NTM: variants seen among roughly 807,000 people sequenced by gnomAD.
NTM encodes the protein neurotrimin.
In NTM, 13 loss-of-function variants were observed where a neutral mutation model predicts 42.1. The ratio of observed to expected loss-of-function variants is 0.31; its 90% CI spans 0.20 to 0.49. NTM has a LOEUF of 0.49. Ranked by LOEUF, NTM falls within the 20% of genes least tolerant of loss-of-function variation. The pLI, the probability that NTM is intolerant of heterozygous loss-of-function variation, is 0.99. For synonymous variants in NTM, 187 were observed against 179.2 expected (o/e 1.04, Z -0.35); for missense variants, 373 against 452.8 (o/e 0.82, Z 1.60).
At chr11:131,722,911 G>T (rs1282471240) in intron 1 of NTM, among the ~76,000 whole-genome samples, 1 of 152,194 alleles carries the variant, frequency 6.6e-6, no homozygotes. Context: ...GGAGAGGAGG[G>T]ACCAGATTCC....
chr11:131,731,567 G>C (rs564538325), intron 1 of NTM, among the ~76,000 whole-genome samples: 1 of 152,292 alleles, frequency 6.6e-6, no homozygotes, highest in Non-Finnish European at 1.5e-5. Flanking sequence ...TAAAGGTCAT[G>C]GCCGGGGCAC....
intron 2 of NTM, among the ~76,000 whole-genome samples, chr11:132,056,932 AGACAG>A (rs2079772584): frequency 6.6e-6 from 1 of 152,162 alleles, no homozygotes; most frequent in African/African-American, 2.4e-5. Flanking sequence ...GCTGCCCACC[AGACAG>A]CTTCTTGGTT....
chr11:132,074,696 A>G lies in NTM; in HGVS notation c.168-71586A>G, dbSNP rs554805912. 6.4e-4 allele frequency among the ~76,000 whole-genome samples: 98 copies of G among 152,334 alleles called. 1 individual carries two copies. In the Middle Eastern group the frequency reaches 0.01, roughly 16 times the overall value. ...AATGTCCACTGCTGGATAAATGGAT[A>G]AAGAAAATGTGGAATTTACATACAG... On this transcript the variant is annotated intron_variant, in intron 2 of 8. Transcript: ENST00000683400.
intron 1 of NTM, among the ~76,000 whole-genome samples, chr11:131,413,129 G>A (rs1355322457): frequency 4.6e-5 from 7 of 152,128 alleles, no homozygotes; most frequent in Non-Finnish European, 8.8e-5. Flanking sequence ...ATAGATAACG[G>A]CTGTTCTTTC....
At chr11:131,753,073 G>A (rs1288707911) in intron 1 of NTM, among the ~76,000 whole-genome samples, 2 of 151,866 alleles carry the variant, frequency 1.3e-5, no homozygotes, top group Non-Finnish European at 2.9e-5. Context: ...ATCAAAAAGT[G>A]GGCAAAGGAC....
chr11:131,937,519 G>A (rs2059355296), intron 2 of NTM, among the ~76,000 whole-genome samples: 1 of 152,146 alleles, frequency 6.6e-6, no homozygotes, highest in Non-Finnish European at 1.5e-5. Flanking sequence ...AAAAGTGACT[G>A]AAGTCGTATG....
At chr11:131,391,037 C>T (rs1943929379) in intron 1 of NTM, among the ~76,000 whole-genome samples, 1 of 152,156 alleles carries the variant, frequency 6.6e-6, no homozygotes, top group Admixed American at 6.5e-5. Context: ...ATCTTCCTAA[C>T]CACACGGGGC....
chr11:131,463,528 T>A (rs1021554732), intron 1 of NTM, among the ~76,000 whole-genome samples: 5 of 152,216 alleles, frequency 3.3e-5, no homozygotes, highest in Non-Finnish European at 7.3e-5. Context: ...ATGGTGAATA[T>A]TTAGTCAATG....
chr11:132,073,956 A>C (rs981596982), intron 2 of NTM, among the ~76,000 whole-genome samples: 4 of 152,200 alleles, frequency 2.6e-5, no homozygotes, highest in African/African-American at 4.8e-5. Context: ...GGCTTCTTTC[A>C]GAACTTCTGG....
At chr11:132,114,785 G>T (rs530329031) in intron 2 of NTM, among the ~76,000 whole-genome samples, 4 of 152,130 alleles carry the variant, frequency 2.6e-5, no homozygotes, top group African/African-American at 9.7e-5. Flanking sequence ...ACAGTATCAC[G>T]GGTAGGCTCC....
At chr11:132,065,552 G>A (rs929871668) in intron 2 of NTM, among the ~76,000 whole-genome samples, 3 of 151,946 alleles carry the variant, frequency 2.0e-5, no homozygotes, top group Non-Finnish European at 4.4e-5. Context: ...CTAGGTTACA[G>A]TATCTCGTAT....
At chr11:132,319,397 G>C (rs2095508264) in intron 7 of NTM, among the ~76,000 whole-genome samples, 1 of 152,174 alleles carries the variant, frequency 6.6e-6, no homozygotes, top group South Asian at 2.1e-4. Flanking sequence ...GTCGGCACCT[G>C]GAAAATCGAG....
At position 131,745,262 on chromosome 11, in the gene NTM, C is replaced by A. The variant is rs182773939; in HGVS notation, c.83-166302C>A. ...TCCTAAAGAGAACAGAATGCCTGTC[C>A]CCTACACAGGGAATGAGGAGGTGCC... On this transcript the variant is annotated intron_variant, in intron 1 of 8. Transcript: ENST00000683400. Among the ~76,000 whole-genome samples the A allele has an allele frequency of 2.6e-3, 399 of 152,240 alleles. 3 individuals are homozygous for A. The highest frequency in any genetic ancestry group is 9.0e-3 in the African/African-American group (374 of 41,542).
At chr11:132,275,744 A>G (rs1160206078) in intron 4 of NTM, among the ~76,000 whole-genome samples, 3 of 28,492 alleles carry the variant, frequency 1.1e-4, no homozygotes, top group Non-Finnish European at 1.8e-4. Context: ...ACGTATATAT[A>G]TATGTGTATA....
chr11:131,879,469 A>G (rs1459056536), intron 1 of NTM, among the ~76,000 whole-genome samples: 1 of 152,126 alleles, frequency 6.6e-6, no homozygotes, highest in African/African-American at 2.4e-5. Context: ...CCCAACCACC[A>G]ATCTTCAACA....
At chr11:132,097,532 A>G (rs1237363015) in intron 2 of NTM, among the ~76,000 whole-genome samples, 1 of 152,238 alleles carries the variant, frequency 6.6e-6, no homozygotes, top group Non-Finnish European at 1.5e-5. Flanking sequence ...TATTTCAAGT[A>G]AAACAAAGTC....
intron 1 of NTM, among the ~76,000 whole-genome samples, chr11:131,777,339 G>A (rs1391104164): frequency 6.6e-6 from 1 of 151,966 alleles, no homozygotes; most frequent in Non-Finnish European, 1.5e-5. Flanking sequence ...TGGACAATAT[G>A]ATTCCAATTA....
intron 1 of NTM, among the ~76,000 whole-genome samples, chr11:131,553,009 A>C (rs907489218): frequency 6.6e-6 from 1 of 152,180 alleles, no homozygotes; most frequent in East Asian, 1.9e-4. Context: ...AAGAACACAT[A>C]TTGCTTGACA....
chr11:132,165,585 G>A (rs1363320748), intron 3 of NTM, among the ~76,000 whole-genome samples: 1 of 152,164 alleles, frequency 6.6e-6, no homozygotes, highest in Non-Finnish European at 1.5e-5. Context: ...ACAATCTTAG[G>A]TAGTAGATAT....
Sources: gnomAD v4.1 joint callset for allele counts (sites outside exome capture counted in the v4.1 genomes callset) on GRCh38, gnomAD v4.1.1 for gene constraint, MANE v1.5 for transcripts, NCBI Gene and HGNC (gene_info 2026-07-23, HGNC 2026-07-21) for gene names.